CDH13: variants seen among roughly 807,000 people sequenced by gnomAD.
CDH13 encodes cadherin 13, also known as cadherin-13.
CDH13 carries 24 observed loss-of-function variants against 63.8 expected under a neutral mutation model. That is an observed-to-expected ratio of 0.38 (90% CI 0.27 to 0.53). The LOEUF (loss-of-function observed/expected upper bound fraction) is 0.53. Among genes scored for constraint, CDH13 ranks in the 20% least tolerant of loss-of-function variants. The pLI, the probability that CDH13 is intolerant of heterozygous loss-of-function variation, is 0.85. For synonymous variants in CDH13, 503 were observed against 355.3 expected (o/e 1.42, Z -4.67); for missense variants, 1,049 against 903.1 (o/e 1.16, Z -2.07).
chr16:83,026,008 C>A (rs989171687), intron 2 of CDH13, among the ~76,000 whole-genome samples: 7 of 152,128 alleles, frequency 4.6e-5, no homozygotes, highest in Non-Finnish European at 8.8e-5. Flanking sequence ...AGATGGCCAG[C>A]CTTGAGAAAG....
At chr16:83,422,615 C>T (rs2071750946) in intron 6 of CDH13, among the ~76,000 whole-genome samples, 1 of 152,156 alleles carries the variant, frequency 6.6e-6, no homozygotes, top group Non-Finnish European at 1.5e-5. Context: ...TTAATTCCTT[C>T]TAAAATGGAA....
intron 6 of CDH13, among the ~76,000 whole-genome samples, chr16:83,367,979 T>C (rs1455639377): frequency 4.6e-5 from 7 of 152,222 alleles, no homozygotes; most frequent in Non-Finnish European, 7.3e-5. Flanking sequence ...TAGTTTTCAA[T>C]AGACAAGTCT....
chr16:83,051,258 C>A (rs565796120), intron 3 of CDH13, among the ~76,000 whole-genome samples: 1 of 152,234 alleles, frequency 6.6e-6, no homozygotes, highest in South Asian at 2.1e-4. Flanking sequence ...GATTCTCCTA[C>A]CAAAGTAAGC....
At chr16:82,871,893 G>C (rs755746510) in intron 2 of CDH13, among the ~76,000 whole-genome samples, 2 of 152,158 alleles carry the variant, frequency 1.3e-5, no homozygotes, top group Non-Finnish European at 2.9e-5. Context: ...CTAGCTAAAA[G>C]AGCCAGAGCA....
chr16:82,951,521 A>G (rs904165523), intron 2 of CDH13, among the ~76,000 whole-genome samples: 1 of 152,156 alleles, frequency 6.6e-6, no homozygotes, highest in Admixed American at 6.5e-5. Flanking sequence ...ATCTAAAAGA[A>G]CCACATTTAG....
intron 3 of CDH13, among the ~76,000 whole-genome samples, chr16:83,096,913 A>G (rs999296306): frequency 3.9e-5 from 6 of 152,322 alleles, no homozygotes; most frequent in South Asian, 2.1e-4. Flanking sequence ...TCATGTTAAA[A>G]TATTTACTAA....
chr16:83,547,260 G>A (rs535645470), intron 7 of CDH13, among the ~76,000 whole-genome samples: 2 of 152,248 alleles, frequency 1.3e-5, no homozygotes, highest in Non-Finnish European at 2.9e-5. Context: ...CCAGGGGGAT[G>A]TGGGAAGCCC....
chr16:83,291,480 A>T (rs2089465022), intron 5 of CDH13, among the ~76,000 whole-genome samples: 1 of 152,202 alleles, frequency 6.6e-6, no homozygotes, highest in African/African-American at 2.4e-5. Context: ...GGACAAAGTC[A>T]TCATTAGGCA....
intron 7 of CDH13, among the ~76,000 whole-genome samples, chr16:83,537,835 C>T (rs1696859605): frequency 6.6e-6 from 1 of 152,124 alleles, no homozygotes; most frequent in African/African-American, 2.4e-5. Context: ...CCAATCTTCC[C>T]ATGTTTCCTA....
intron 6 of CDH13, among the ~76,000 whole-genome samples, chr16:83,447,485 C>T (rs545839469): frequency 4.6e-5 from 7 of 151,988 alleles, no homozygotes; most frequent in Non-Finnish European, 7.3e-5. Flanking sequence ...CTGTGGAAAG[C>T]CCGCCAGTTA....
chr16:83,473,065 G>A (rs1234461971), intron 6 of CDH13, among the ~76,000 whole-genome samples: 2 of 152,140 alleles, frequency 1.3e-5, no homozygotes, highest in African/African-American at 4.8e-5. Context: ...AGTCCAGAAG[G>A]CCCCCTCTTA....
intron 10 of CDH13, among the ~76,000 whole-genome samples, chr16:83,741,848 T>C (rs2035230053): frequency 6.6e-6 from 1 of 152,170 alleles, no homozygotes; most frequent in Non-Finnish European, 1.5e-5. Context: ...CAGATTGTTA[T>C]TGGAGCACAA....
chr16:82,640,342 T>C (rs1375493803), intron 1 of CDH13, among the ~76,000 whole-genome samples: 4 of 152,210 alleles, frequency 2.6e-5, no homozygotes, highest in Non-Finnish European at 4.4e-5. Context: ...TGGTCAACTT[T>C]TGTCAACTCT....
chr16:83,051,254 C>T (rs2030303365), intron 3 of CDH13, among the ~76,000 whole-genome samples: 1 of 152,150 alleles, frequency 6.6e-6, no homozygotes, highest in Admixed American at 6.5e-5. Flanking sequence ...ATGTGATTCT[C>T]CTACCAAAGT....
At chr16:83,646,504 C>T (rs1264337233) in intron 8 of CDH13, among the ~76,000 whole-genome samples, 1 of 151,866 alleles carries the variant, frequency 6.6e-6, no homozygotes, top group Non-Finnish European at 1.5e-5. Context: ...AGTTCAAGAC[C>T]AGTCTGGCCA....
At chr16:83,525,135 A>G (rs1210988166) in intron 7 of CDH13, among the ~76,000 whole-genome samples, 2 of 152,186 alleles carry the variant, frequency 1.3e-5, no homozygotes, top group Non-Finnish European at 2.9e-5. Context: ...AACCCCAGGG[A>G]CAGACTCCAG....
chr16:83,606,957 T>C (rs982297533), intron 8 of CDH13, among the ~76,000 whole-genome samples: 4 of 151,902 alleles, frequency 2.6e-5, no homozygotes, highest in African/African-American at 9.7e-5. Context: ...ACTTGAAAAC[T>C]TCCCCAGAAG....
At chr16:83,646,544 T>G (rs1911811874) in intron 8 of CDH13, among the ~76,000 whole-genome samples, 1 of 151,770 alleles carries the variant, frequency 6.6e-6, no homozygotes, top group South Asian at 2.1e-4. Context: ...TTACTAAAAA[T>G]GTAAAACATT....
intron 1 of CDH13, among the ~76,000 whole-genome samples, chr16:82,837,216 C>A (rs1381819116): frequency 6.6e-6 from 1 of 152,164 alleles, no homozygotes; most frequent in African/African-American, 2.4e-5. Flanking sequence ...GGTGACCTCC[C>A]ATGAGAAGCT....
Sources: allele counts gnomAD v4.1 joint callset (sites outside exome capture counted in the v4.1 genomes callset), GRCh38; gene constraint gnomAD v4.1.1; transcripts MANE v1.5; gene names NCBI Gene and HGNC (gene_info 2026-07-23, HGNC 2026-07-21).